Variants in FNBP4 observed in about 807,000 individuals in gnomAD.
FNBP4 encodes the protein formin binding protein 4, also known as formin-binding protein 4.
A neutral mutation model predicts 119.3 loss-of-function variants in FNBP4; 34 were observed. The ratio of observed to expected loss-of-function variants is 0.28; its 90% confidence interval spans 0.22 to 0.38. The LOEUF is 0.38. Among genes scored for constraint, FNBP4 ranks in the 10% least tolerant of loss-of-function variants. FNBP4 has a pLI of 1.00. For synonymous variants in FNBP4, 462 were observed against 430.6 expected (o/e 1.07, Z -0.90); for missense variants, 1,112 against 1,228.9 (o/e 0.90, Z 1.42).
chr11:47,720,204 G>C (rs1352200268), intron 15 of FNBP4, 118 bp from the exon 16 acceptor site: 30 of 903,372 alleles, frequency 3.3e-5, no homozygotes, highest in Middle Eastern at 3.6e-4. Context: ...CTTTAAAAAA[G>C]AAAGTAAATA....
At chr11:47,760,839 G>A (rs1020141190) in intron 2 of FNBP4, among the ~76,000 whole-genome samples, 11 of 152,098 alleles carry the variant, frequency 7.2e-5, no homozygotes, top group African/African-American at 2.7e-4. Flanking sequence ...GTTGGGAGGC[G>A]GCAGCCACAG....
At chr11:47,765,508 TA>T in intron 1 of FNBP4, 146 bp from the exon 2 acceptor site, 1 of 432,692 alleles carries the variant, frequency 2.3e-6, no homozygotes, top group Non-Finnish European at 3.9e-6. Flanking sequence ...ATCAATTTTT[TA>T]AAAAGTGCAT....
At chr11:47,723,883 T>G in intron 14 of FNBP4, 145 bp downstream of exon 14, 4 of 803,308 alleles carry the variant, frequency 5.0e-6, no homozygotes, top group Non-Finnish European at 7.3e-6. Flanking sequence ...TCAAAAGTTT[T>G]TTTTTTTTTT....
chr11:47,763,722 G>A (rs577215822), intron 2 of FNBP4, among the ~76,000 whole-genome samples: 3 of 151,984 alleles, frequency 2.0e-5, no homozygotes, highest in African/African-American at 2.4e-5. Flanking sequence ...GGATGGTCTC[G>A]ATCTCCTGAC....
intron 8 of FNBP4, among the ~76,000 whole-genome samples, chr11:47,739,173 C>G (rs777685484): frequency 4.0e-5 from 6 of 151,800 alleles, no homozygotes; most frequent in Non-Finnish European, 5.9e-5. Context: ...CTCAAGTAAT[C>G]CCCATGCCTC....
intron 8 of FNBP4, among the ~76,000 whole-genome samples, chr11:47,741,183 C>T (rs1262252409): frequency 6.6e-6 from 1 of 151,288 alleles, no homozygotes; most frequent in Non-Finnish European, 1.5e-5. Context: ...TTTTCTTTTT[C>T]TTTTGAGGCA....
intron 5 of FNBP4, 33 bp from the exon 6 acceptor site, chr11:47,751,069 A>G (rs752367700): frequency 2.5e-6 from 4 of 1,612,512 alleles, no homozygotes; most frequent in South Asian, 1.1e-5. Flanking sequence ...AGAGAAATAT[A>G]AGACAAATAC....
At chr11:47,744,205 T>A in intron 7 of FNBP4, 42 bp from the exon 8 acceptor site, 1 of 1,433,692 alleles carries the variant, frequency 7.0e-7, no homozygotes, top group South Asian at 1.2e-5. Flanking sequence ...ATTAACTGCT[T>A]ATTAATATGT....
In FNBP4 at chr11:47,743,788, G is replaced by T. The variant is rs950547581; in HGVS notation, c.1456+165C>A. On this transcript the variant is annotated intron_variant, in intron 8 of 16. Coordinates refer to ENST00000263773, the MANE Select transcript of FNBP4 (RefSeq NM_015308.5). Reference sequence around the variant, plus strand: ...GGCTCTTACTCCTCTACTAGAAAAAGATCTGGAAAAGGTAGAGAGGTGGAT... The same window carrying T: ...GGCTCTTACTCCTCTACTAGAAAAATATCTGGAAAAGGTAGAGAGGTGGAT... The T allele has an allele frequency of 1.4e-5, 9 of 646,518 alleles. No individual in the cohort carries two copies. The Admixed American group carries it at 2.6e-4, about 19-fold the overall frequency. The allele number at this position is 646,518 out of a possible 1,614,324, so 40.0% of individuals were successfully genotyped here.
chr11:47,720,851 CGGT>C (rs1368697093), intron 15 of FNBP4, among the ~76,000 whole-genome samples: 5 of 150,756 alleles, frequency 3.3e-5, no homozygotes, highest in Admixed American at 6.6e-5. Flanking sequence ...GTGGCGGCGG[CGGT>C]GGGCGACTGT....
At position 47,742,477 on chromosome 11, in the gene FNBP4, C is replaced by CAAAAA. The variant is rs568784009; in HGVS notation, c.1456+1471_1456+1475dup. Among the ~76,000 whole-genome samples the CAAAAA allele has an allele frequency of 4.2e-4, 10 of 23,760 alleles. 1 individual carries two copies. The highest frequency in any genetic ancestry group is 3.2e-3 in the South Asian group (1 of 310). 15.6% of individuals were successfully genotyped at this position (23,760 alleles called of 152,430 possible). A position where few individuals can be genotyped will look rare whatever the true frequency, so the allele number is the denominator to read the frequency against. On this transcript the variant is annotated intron_variant, in intron 8 of 16. Transcript: ENST00000263773. ...TGGGGGACAGAGCAAGACTCCGTCT[C>CAAAAA]AAAAAAAAAAAAAAAAAAAAAAAAA...
rs770872450 is a variant in FNBP4 at position 47,732,717 on chromosome 11, G to A, written c.1687-47C>T. 2.3e-5 allele frequency: 37 copies of A among 1,576,436 alleles called. No individual in the cohort carries two copies. Among genetic ancestry groups the A allele is most frequent in the Non-Finnish European group, 1.9e-5 (22 of 1,146,310 alleles). Reference sequence around the variant, plus strand: ...GTTAAAGACTTATTATTACATGTCAGGAGACACAGGCAAAGGGGATATAAA... The same window carrying A: ...GTTAAAGACTTATTATTACATGTCAAGAGACACAGGCAAAGGGGATATAAA... On this transcript the variant is annotated intron_variant, in intron 10 of 16. Transcript: ENST00000263773. This position sits in a 1 kb window ranked among gnomAD's most constrained non-coding sequence, Gnocchi z 4.2.
At chr11:47,755,358 A>C (rs2097614677) in intron 2 of FNBP4, among the ~76,000 whole-genome samples, 1 of 151,714 alleles carries the variant, frequency 6.6e-6, no homozygotes, top group Non-Finnish European at 1.5e-5. Flanking sequence ...CTGAAGCAGA[A>C]AAATTGCTTG....
At position 47,767,114 on chromosome 11, in the gene FNBP4, TGGTGGTGGTCGTC is replaced by T; in HGVS notation, c.162_174del (p.Thr55ProfsTer3). 1.9e-6 allele frequency: 1 copy of T among 518,582 alleles called. No homozygotes were observed. Among genetic ancestry groups the T allele is most frequent in the African/African-American group, 1.9e-5 (1 of 52,978 alleles). The allele number at this position is 518,582 out of a possible 1,614,324, so 32.1% of individuals were successfully genotyped here. On this transcript the variant is annotated frameshift_variant, in exon 1 of 17. Transcript: ENST00000263773. LOFTEE classifies it high-confidence loss of function. ...GAGGCCGCGGCGGCAGTCACCGCGG[TGGTGGTGGTCGTC>T]GCCGCCGACGGGGCGGGCTGGCTGG...
chr11:47,734,226 G>A (rs1025441116), intron 9 of FNBP4, 97 bp from the exon 10 acceptor site: 1 of 622,524 alleles, frequency 1.6e-6, no homozygotes, highest in Non-Finnish European at 2.6e-6. Context: ...TTAGAAATAT[G>A]GGTCTGCCTA....
At chr11:47,751,421 G>T in intron 4 of FNBP4, 131 bp from the exon 5 acceptor site, 1 of 984,706 alleles carries the variant, frequency 1.0e-6, no homozygotes, top group Non-Finnish European at 1.5e-6. Flanking sequence ...GGTCTTTGTT[G>T]TGGAGGGGCA....
rs745305698 is a variant in FNBP4, at chr11:47,736,635, T to C, written c.1562A>G (p.Glu521Gly). The change falls in exon 9 of 17, where the codon GAA (glutamate) becomes GGA (glycine). Residue 521 changes from glutamate (E) to glycine (G), a missense_variant. Around this residue, in one of 2 missense-constraint regions of FNBP4, gnomAD observed 826 missense variants for 988.8 expected, o/e 0.84. Transcript: ENST00000263773. ...KIKVQTTPKVEEEQDLKFQIG... is the reference protein window; with the variant it reads ...KIKVQTTPKVGEEQDLKFQIG... ...ACATACTTTCAAATCCTGTTCTTCTTCTACTTTTGGTGTTGTCTGTACTTT... is the reference window on the plus strand; with the variant it reads ...ACATACTTTCAAATCCTGTTCTTCTCCTACTTTTGGTGTTGTCTGTACTTT... The C allele has an allele frequency of 1.1e-5, 17 of 1,597,162 alleles. No homozygotes were observed. In the Admixed American group the frequency reaches 2.7e-4, roughly 26 times the overall value.
intron 6 of FNBP4, among the ~76,000 whole-genome samples, chr11:47,746,610 G>A (rs949475218): frequency 2.6e-5 from 4 of 152,006 alleles, no homozygotes; most frequent in Non-Finnish European, 5.9e-5. Context: ...TGCCTCCCAG[G>A]TTCAAGCTAT....
At chr11:47,728,757 G>A (rs980336683) in intron 12 of FNBP4, among the ~76,000 whole-genome samples, 1 of 151,136 alleles carries the variant, frequency 6.6e-6, no homozygotes, top group Non-Finnish European at 1.5e-5. Flanking sequence ...TTGAATTCCT[G>A]AGCTCAAGTG....
Sources: gnomAD v4.1 joint callset for allele counts (sites outside exome capture counted in the v4.1 genomes callset) on GRCh38, gnomAD v4.1.1 for gene constraint, gnomAD v4.1.1 regional missense constraint, Gnocchi (gnomAD v3.1) non-coding constraint, MANE v1.5 for transcripts, NCBI Gene and HGNC (gene_info 2026-07-23, HGNC 2026-07-21) for gene names.